The following ULK4 variants were observed in gnomAD, a reference collection of about 807,000 sequenced individuals.
The protein encoded by ULK4 is inactive serine/threonine-protein kinase ULK4.
In ULK4, 133 loss-of-function variants were observed where a neutral mutation model predicts 160.6. That is an observed-to-expected ratio of 0.83 (90% CI 0.72 to 0.96). The LOEUF is 0.96. Ranked by LOEUF, ULK4 falls within the 40% of genes least tolerant of loss-of-function variation. The pLI is 0.00. For missense variants in ULK4, 1,580 were observed against 1,499.5 expected, an observed-to-expected ratio of 1.05 and a Z score of -0.89; for synonymous variants, 534 against 539.8, an observed-to-expected ratio of 0.99 and a Z score of 0.15.
intron 35 of ULK4, among the ~76,000 whole-genome samples, chr3:41,254,153 G>C (rs2078789451): frequency 6.6e-6 from 1 of 152,176 alleles, no homozygotes. Context: ...GAATCCTATT[G>C]ACATTTGTAG....
chr3:41,454,809 C>T (rs1288940693), intron 34 of ULK4, among the ~76,000 whole-genome samples: 1 of 152,014 alleles, frequency 6.6e-6, no homozygotes, highest in Admixed American at 6.6e-5. Flanking sequence ...TCTCCTGACT[C>T]AGCCTCCCGA....
chr3:41,280,111 A>T (rs937182170), intron 35 of ULK4, among the ~76,000 whole-genome samples: 1 of 152,226 alleles, frequency 6.6e-6, no homozygotes, highest in Non-Finnish European at 1.5e-5. Context: ...AGAGCTAACT[A>T]TCCTAAATAT....
chr3:41,496,349 G>T (rs1395809047), intron 32 of ULK4, among the ~76,000 whole-genome samples: 1 of 151,930 alleles, frequency 6.6e-6, no homozygotes, highest in Non-Finnish European at 1.5e-5. Flanking sequence ...AATATATCAG[G>T]CAACTGTTTT....
chr3:41,681,098 A>G (rs2125789803), intron 29 of ULK4, among the ~76,000 whole-genome samples: 1 of 152,328 alleles, frequency 6.6e-6, no homozygotes, highest in South Asian at 2.1e-4. Flanking sequence ...CCTAAGTTCT[A>G]TTCCAAGAGT....
At chr3:41,481,591 G>A (rs2084322431) in intron 32 of ULK4, among the ~76,000 whole-genome samples, 1 of 152,016 alleles carries the variant, frequency 6.6e-6, no homozygotes, top group Non-Finnish European at 1.5e-5. Flanking sequence ...ACTTTGGGAG[G>A]CCGAGGCGGG....
rs1274690686 is a variant in ULK4, at chr3:41,466,584, G to C, written c.3227-3331C>G. ...GGTTCTAGGAGAAAATGTAAGAGAA[G>C]ATTTTGCAACTAGGTAGGCAAGATT... On this transcript the variant is annotated intron_variant, in intron 32 of 36. Transcript: ENST00000301831. Among the ~76,000 whole-genome samples the C allele has an allele frequency of 5.9e-5, 9 of 152,222 alleles. No homozygotes were observed. In the East Asian group the frequency reaches 1.7e-3, roughly 29 times the overall value.
At chr3:41,568,158 A>C (rs2087848703) in intron 31 of ULK4, among the ~76,000 whole-genome samples, 1 of 152,230 alleles carries the variant, frequency 6.6e-6, no homozygotes, top group South Asian at 2.1e-4. Context: ...ACAGAAAAAA[A>C]GCCCTGCCCT....
chr3:41,446,167 C>G (rs2083292738), intron 34 of ULK4, among the ~76,000 whole-genome samples: 1 of 152,102 alleles, frequency 6.6e-6, no homozygotes, highest in South Asian at 2.1e-4. Flanking sequence ...AAATCAAAAC[C>G]ACAATGAGAT....
chr3:41,497,655 G>T (rs189111113), intron 32 of ULK4, among the ~76,000 whole-genome samples: 2 of 152,030 alleles, frequency 1.3e-5, no homozygotes, highest in African/African-American at 4.8e-5. Context: ...ATTCCATATT[G>T]ATGATATAAG....
chr3:41,268,119 G>A (rs1271954631), intron 35 of ULK4, among the ~76,000 whole-genome samples: 10 of 152,196 alleles, frequency 6.6e-5, no homozygotes, highest in Admixed American at 6.5e-4. Context: ...GGTAGAGCCA[G>A]AAATGCTGCT....
chr3:41,826,361 G>A (rs1360802044), intron 18 of ULK4, among the ~76,000 whole-genome samples: 1 of 152,124 alleles, frequency 6.6e-6, no homozygotes, highest in African/African-American at 2.4e-5. Flanking sequence ...GACACAGACT[G>A]GCAAACTGGA....
chr3:41,436,776 C>T (rs1364258410), intron 34 of ULK4, among the ~76,000 whole-genome samples: 1 of 152,100 alleles, frequency 6.6e-6, no homozygotes, highest in Non-Finnish European at 1.5e-5. Context: ...ACAATCAAGG[C>T]CCCCATGTCC....
intron 34 of ULK4, among the ~76,000 whole-genome samples, chr3:41,421,154 A>T (rs980700564): frequency 2.6e-5 from 4 of 151,864 alleles, no homozygotes; most frequent in Non-Finnish European, 4.4e-5. Flanking sequence ...AAAGCTATTA[A>T]TTTCTGTGTA....
intron 16 of ULK4, among the ~76,000 whole-genome samples, chr3:41,889,757 A>T (rs1350030094): frequency 6.6e-6 from 1 of 152,208 alleles, no homozygotes; most frequent in East Asian, 1.9e-4. Flanking sequence ...TTATCCAGCA[A>T]TCTCACTACT....
intron 35 of ULK4, among the ~76,000 whole-genome samples, chr3:41,254,859 C>T (rs574235677): frequency 6.7e-6 from 1 of 148,620 alleles, no homozygotes; most frequent in East Asian, 2.0e-4. Context: ...CTCCAGCCTG[C>T]GTGACAGAGC....
In ULK4 at chr3:41,683,398, C is replaced by G. The variant is rs372152874; in HGVS notation, c.2782-1594G>C. Among the ~76,000 whole-genome samples the G allele has an allele frequency of 2.2e-3, 330 of 151,948 alleles. 3 individuals carry two copies. The highest frequency in any genetic ancestry group is 7.4e-3 in the African/African-American group (305 of 41,450). On this transcript the variant is annotated intron_variant, in intron 27 of 36. Transcript: ENST00000301831. ...TCAGGGCTTGTCTGCGATCACCAGA[C>G]ATGGGGTGCTTTTTTCTCCTCTGTG...
At chr3:41,639,704 G>C (rs2034105443) in intron 30 of ULK4, among the ~76,000 whole-genome samples, 1 of 152,126 alleles carries the variant, frequency 6.6e-6, no homozygotes, top group South Asian at 2.1e-4. Context: ...CTTCAGCCCA[G>C]GTAACAGAGC....
chr3:41,703,965 G>A (rs1255429615), intron 27 of ULK4, among the ~76,000 whole-genome samples: 1 of 152,032 alleles, frequency 6.6e-6, no homozygotes, highest in African/African-American at 2.4e-5. Context: ...TGGTATCTAC[G>A]TGACCATGAA....
rs1250556813 is a variant in ULK4, at chr3:41,463,328, G to A, written c.3227-75C>T. On this transcript the variant is annotated intron_variant, in intron 32 of 36. Transcript: ENST00000301831. ...TGTGTCATATGAACCAAAAAGAGAG[G>A]CATTCTGGCTCTATGTTGCATAAAC... 7 of 1,411,016 alleles carry A rather than the reference G, an allele frequency of 5.0e-6. No homozygotes were observed. In the East Asian group the frequency reaches 1.6e-4, roughly 32 times the overall value. 87.4% of individuals were successfully genotyped at this position (1,411,016 alleles called of 1,614,324 possible). A position where few individuals can be genotyped will look rare whatever the true frequency, so the allele number is the denominator to read the frequency against.
Sources: allele counts gnomAD v4.1 joint callset (sites outside exome capture counted in the v4.1 genomes callset), GRCh38; gene constraint gnomAD v4.1.1; transcripts MANE v1.5; gene names NCBI Gene and HGNC (gene_info 2026-07-23, HGNC 2026-07-21).